LHFPL6: variants seen among roughly 807,000 people sequenced by gnomAD.
LHFPL6 encodes the protein LHFPL tetraspan subfamily member 6, also known as LHFPL tetraspan subfamily member 6 protein.
A neutral mutation model predicts 20.6 loss-of-function variants in LHFPL6; 9 were observed. The observed-to-expected ratio is 0.44, with a 90% confidence interval of 0.26 to 0.76. The LOEUF (loss-of-function observed/expected upper bound fraction) is 0.76, where lower values mean the gene tolerates loss of function less well. LHFPL6 is among the 30% of genes least tolerant of loss of function. The pLI is 0.20. For synonymous variants in LHFPL6, 105 were observed against 98.7 expected, an observed-to-expected ratio of 1.06 and a Z score of -0.38; for missense variants, 218 against 253.5, an observed-to-expected ratio of 0.86 and a Z score of 0.95.
At chr13:39,350,355 G>A (rs937561385) in intron 3 of LHFPL6, among the ~76,000 whole-genome samples, 1 of 152,128 alleles carries the variant, frequency 6.6e-6, no homozygotes, top group African/African-American at 2.4e-5. Flanking sequence ...AAAGGAAAAG[G>A]AAAAATAGAT....
At chr13:39,542,222 T>C (rs1870830284) in intron 2 of LHFPL6, among the ~76,000 whole-genome samples, 1 of 151,946 alleles carries the variant, frequency 6.6e-6, no homozygotes, top group Non-Finnish European at 1.5e-5. Context: ...ATGCTGACAA[T>C]ATTCTGTATC....
intron 2 of LHFPL6, among the ~76,000 whole-genome samples, chr13:39,435,013 G>T (rs1396007938): frequency 1.6e-5 from 2 of 121,414 alleles, no homozygotes; most frequent in African/African-American, 6.3e-5. Flanking sequence ...CCGAGATTGC[G>T]CCACTGCAGT....
chr13:39,516,586 G>A (rs34001793), intron 2 of LHFPL6, among the ~76,000 whole-genome samples: 30,809 of 152,174 alleles, frequency 0.2, 3,143 homozygotes, highest in East Asian at 0.25. Flanking sequence ...CAACAAGGAT[G>A]ACTGGATGTT....
chr13:39,455,971 G>A (rs754002722), intron 2 of LHFPL6, among the ~76,000 whole-genome samples: 39 of 152,216 alleles, frequency 2.6e-4, no homozygotes, highest in Non-Finnish European at 5.1e-4. Flanking sequence ...GGACACAAAT[G>A]TATTGACTTG....
intron 2 of LHFPL6, among the ~76,000 whole-genome samples, chr13:39,527,087 C>T (rs564799839): frequency 3.9e-5 from 6 of 152,286 alleles, no homozygotes; most frequent in South Asian, 4.1e-4. Flanking sequence ...AGTGCTGGTA[C>T]TTACCTTGCT....
chr13:39,572,029 A>G (rs899079640), intron 2 of LHFPL6, among the ~76,000 whole-genome samples: 1 of 152,206 alleles, frequency 6.6e-6, no homozygotes, highest in Non-Finnish European at 1.5e-5. Context: ...CAATATGTCC[A>G]AGGTTATAAA....
At chr13:39,508,403 TCAC>T (rs1239782576) in intron 2 of LHFPL6, among the ~76,000 whole-genome samples, 1 of 152,142 alleles carries the variant, frequency 6.6e-6, no homozygotes, top group Non-Finnish European at 1.5e-5. Context: ...GGCAAAACCA[TCAC>T]CACAATTAAG....
intron 2 of LHFPL6, among the ~76,000 whole-genome samples, chr13:39,553,665 T>C (rs1871211100): frequency 6.6e-6 from 1 of 152,222 alleles, no homozygotes; most frequent in African/African-American, 2.4e-5. Flanking sequence ...TGAACTATGA[T>C]TGCGCCACTG....
chr13:39,548,679 T>C (rs1365978524), intron 2 of LHFPL6, among the ~76,000 whole-genome samples: 4 of 152,102 alleles, frequency 2.6e-5, no homozygotes, highest in South Asian at 4.1e-4. Flanking sequence ...AAAAAGTTTT[T>C]CAAAATTCTC....
chr13:39,437,326 T>C (rs1458266599), intron 2 of LHFPL6, among the ~76,000 whole-genome samples: 2 of 152,130 alleles, frequency 1.3e-5, no homozygotes, highest in African/African-American at 4.8e-5. Flanking sequence ...TCATAAATGG[T>C]TTAACACCAT....
At chr13:39,367,811 G>A (rs1021861118) in intron 3 of LHFPL6, among the ~76,000 whole-genome samples, 2 of 152,088 alleles carry the variant, frequency 1.3e-5, no homozygotes, top group Admixed American at 6.6e-5. Flanking sequence ...CCACTTAAAC[G>A]GTCTGGAGAC....
chr13:39,532,384 T>G (rs186750769), intron 2 of LHFPL6, among the ~76,000 whole-genome samples: 9 of 152,334 alleles, frequency 5.9e-5, no homozygotes, highest in African/African-American at 2.2e-4. Context: ...TTTTTTGACT[T>G]ATTTTTGTGG....
chr13:39,502,085 G>A (rs550568829), intron 2 of LHFPL6, among the ~76,000 whole-genome samples: 3 of 152,288 alleles, frequency 2.0e-5, no homozygotes, highest in Middle Eastern at 3.4e-3. Context: ...GTGCCACACT[G>A]GGGAAAATCC....
At chr13:39,410,590 G>A (rs1295221486) in intron 2 of LHFPL6, among the ~76,000 whole-genome samples, 2 of 152,128 alleles carry the variant, frequency 1.3e-5, no homozygotes, top group Admixed American at 6.5e-5. Context: ...AGACAGTCAC[G>A]AAAAACAGGA....
chr13:39,506,589 A>G lies in LHFPL6; in HGVS notation c.385+94243T>C, dbSNP rs1003979521. Among the ~76,000 whole-genome samples the G allele has an allele frequency of 2.2e-4, 34 of 152,090 alleles. 1 individual carries two copies. The highest frequency in any genetic ancestry group is 6.6e-5 in the Admixed American group (1 of 15,266). On this transcript the variant is annotated intron_variant, in intron 2 of 3. Transcript: ENST00000379589. ...TTTTTTGCTTGTGACCCCTAAATTAATAAGGGCCACCGCCACTCAGCAGCT... is the reference window on the plus strand; with the variant it reads ...TTTTTTGCTTGTGACCCCTAAATTAGTAAGGGCCACCGCCACTCAGCAGCT...
chr13:39,596,155 T>C (rs1455729353), intron 2 of LHFPL6, among the ~76,000 whole-genome samples: 1 of 152,150 alleles, frequency 6.6e-6, no homozygotes, highest in Admixed American at 6.5e-5. Context: ...TATCTATATA[T>C]AATATGCACT....
chr13:39,416,902 G>C (rs1871362992), intron 2 of LHFPL6, among the ~76,000 whole-genome samples: 1 of 152,254 alleles, frequency 6.6e-6, no homozygotes, highest in South Asian at 2.1e-4. Flanking sequence ...ATTTGTCACA[G>C]GTACTTGAAT....
intron 2 of LHFPL6, among the ~76,000 whole-genome samples, chr13:39,537,850 G>A (rs1157129922): frequency 6.6e-6 from 1 of 152,082 alleles, no homozygotes; most frequent in African/African-American, 2.4e-5. Flanking sequence ...AAGCAATGGA[G>A]AGTCAAGATC....
intron 2 of LHFPL6, among the ~76,000 whole-genome samples, chr13:39,427,971 G>C (rs756457511): frequency 6.6e-6 from 1 of 152,188 alleles, no homozygotes; most frequent in African/African-American, 2.4e-5. Flanking sequence ...TGAAGTGCTG[G>C]CTCCCCGCTT....
Sources: allele counts gnomAD v4.1 joint callset (sites outside exome capture counted in the v4.1 genomes callset), GRCh38; gene constraint gnomAD v4.1.1; transcripts MANE v1.5; gene names NCBI Gene and HGNC (gene_info 2026-07-23, HGNC 2026-07-21).